CCDC175: variants seen among roughly 807,000 people sequenced by gnomAD.
The protein encoded by CCDC175 is coiled-coil domain-containing protein 175.
Under a neutral mutation model 114.6 loss-of-function variants are expected in CCDC175, and 100 were observed. The observed-to-expected ratio is 0.87, with a 90% CI of 0.74 to 1.03. The LOEUF (loss-of-function observed/expected upper bound fraction) is 1.03. CCDC175 is among the 50% of genes least tolerant of loss of function. CCDC175 has a pLI of 0.00. For missense variants in CCDC175, 880 were observed against 917.8 expected (o/e 0.96, Z 0.53); for synonymous variants, 306 against 308.7 (o/e 0.99, Z 0.09).
intron 16 of CCDC175, among the ~76,000 whole-genome samples, chr14:59,524,436 T>A (rs573014989): frequency 6.6e-6 from 1 of 152,260 alleles, no homozygotes; most frequent in South Asian, 2.1e-4. Context: ...GGCAAAAGAC[T>A]TGAACAGTCA....
In CCDC175 at chr14:59,531,911, C is replaced by A. The variant is rs1194549456; in HGVS notation, c.1624-1G>T. ...TTTGTGTTTCCTTAACAAATATTTC[C>A]TTTAAAGAAAATAAAATCAATTGAG... On this transcript the variant is annotated splice_acceptor_variant, in intron 13 of 19. Coordinates refer to ENST00000537690, the MANE Select transcript of CCDC175 (RefSeq NM_001164399.2). LOFTEE classifies it high-confidence loss of function. 2.7e-6 allele frequency: 3 copies of A among 1,129,386 alleles called. No homozygotes were observed. The highest frequency in any genetic ancestry group is 1.5e-5 in the South Asian group (1 of 68,840). The allele number at this position is 1,129,386 out of a possible 1,614,324, so 70.0% of individuals were successfully genotyped here.
intron 9 of CCDC175, among the ~76,000 whole-genome samples, chr14:59,544,426 G>C (rs1894979087): frequency 6.6e-6 from 1 of 152,040 alleles, no homozygotes; most frequent in Non-Finnish European, 1.5e-5. Context: ...GAAGTTTATA[G>C]TCTTGTTCAA....
Position 59,561,163 on chromosome 14 carries a change from C to G in CCDC175, c.909G>C (p.Glu303Asp). ...LHESIRYWEQ[E>D]VSELKKDLAI... ...CAAGGTCTTTCTTTAGCTCACTGAC[C>G]TCTTGTTCCCAATACCTTATTGATT... is the stretch of plus-strand genomic sequence containing the variant. The change falls in exon 7 of 20, where the codon GAG becomes GAC. Residue 303 changes from glutamate (E) to aspartate (D), a missense_variant. Coordinates refer to ENST00000537690, the MANE Select transcript of CCDC175 (RefSeq NM_001164399.2). 1 of 1,535,570 alleles carries G rather than the reference C, an allele frequency of 6.5e-7. No homozygotes were observed.
At chr14:59,549,905 C>T (rs1039160586) in intron 8 of CCDC175, among the ~76,000 whole-genome samples, 2 of 151,582 alleles carry the variant, frequency 1.3e-5, no homozygotes, top group African/African-American at 4.9e-5. Flanking sequence ...GGGATCATAT[C>T]ATACATACTG....
intron 10 of CCDC175, among the ~76,000 whole-genome samples, chr14:59,542,674 CTT>C (rs969714992): frequency 1.1e-4 from 17 of 152,016 alleles, no homozygotes; most frequent in African/African-American, 3.4e-4. Context: ...TATATATTCT[CTT>C]TGTTTTGAAA....
At position 59,519,280 on chromosome 14, in the gene CCDC175, A is replaced by G. The variant is rs190957152; in HGVS notation, c.2098+2294T>C. 2.0e-3 allele frequency among the ~76,000 whole-genome samples: 299 copies of G among 152,312 alleles called. 1 individual carries two copies. Among genetic ancestry groups the G allele is most frequent in the Non-Finnish European group, 2.9e-3 (198 of 68,026 alleles). ...ATGTATACATATGTAACTAACCTGC[A>G]CATTGTGCACATGTACCGTAAAACT... On this transcript the variant is annotated intron_variant, in intron 17 of 19. Transcript: ENST00000537690.
At chr14:59,515,481 A>T (rs186914214) in intron 17 of CCDC175, among the ~76,000 whole-genome samples, 1 of 152,152 alleles carries the variant, frequency 6.6e-6, no homozygotes, top group Admixed American at 6.5e-5. Flanking sequence ...GATCTACCAA[A>T]CAAATGGAAA....
At chr14:59,529,234 C>T (rs999340428) in intron 14 of CCDC175, among the ~76,000 whole-genome samples, 1 of 152,160 alleles carries the variant, frequency 6.6e-6, no homozygotes, top group Non-Finnish European at 1.5e-5. Context: ...GTTCACAACA[C>T]CACTGGCTGG....
At chr14:59,556,746 A>T (rs2140092144) in intron 7 of CCDC175, among the ~76,000 whole-genome samples, 1 of 152,360 alleles carries the variant, frequency 6.6e-6, no homozygotes, top group Non-Finnish European at 1.5e-5. Flanking sequence ...CAGAATCTAC[A>T]AAGAACTCAA....
chr14:59,543,734 T>C (rs1014314442), intron 9 of CCDC175, among the ~76,000 whole-genome samples: 31 of 152,204 alleles, frequency 2.0e-4, no homozygotes, highest in African/African-American at 7.2e-4. Flanking sequence ...TCTTATGCGA[T>C]TGGTCCATGT....
Position 59,565,207 on chromosome 14 carries a change from T to C in CCDC175, c.560A>G (p.Lys187Arg), listed in dbSNP as rs565603465. Residue 187 changes from lysine (K) to arginine (R), a missense_variant, in exon 5 of 20, where the codon AAA becomes AGA. By Grantham distance (26) the Lys-to-Arg change is conservative. Coordinates refer to ENST00000537690, the MANE Select transcript of CCDC175 (RefSeq NM_001164399.2). ...TATGTAAACAGTGGTGGTGGCTTTT[T>C]TCTCCATAGTTTGGTTGAGTGACAG... ...FVLSLNQTME[K>R]KATTTVYINE... 4 of 1,537,896 alleles carry C rather than the reference T, an allele frequency of 2.6e-6. No individual in the cohort carries two copies. The African/African-American group carries it at 5.5e-5, about 21-fold the overall frequency.
At chr14:59,532,333 G>A (rs1894118493) in intron 13 of CCDC175, among the ~76,000 whole-genome samples, 1 of 152,198 alleles carries the variant, frequency 6.6e-6, no homozygotes. Context: ...TGGATATAAT[G>A]TTAAAATAAA....
chr14:59,531,942 T>C, intron 13 of CCDC175, 32 bp from the exon 14 acceptor site: 2 of 979,346 alleles, frequency 2.0e-6, no homozygotes, highest in East Asian at 5.3e-5. Context: ...TTGAGAAATA[T>C]AATTTTGGAT....
chr14:59,517,833 A>G (rs575068993), intron 17 of CCDC175, among the ~76,000 whole-genome samples: 1 of 152,288 alleles, frequency 6.6e-6, no homozygotes, highest in Non-Finnish European at 1.5e-5. Context: ...TAAAGTTCAT[A>G]TGGAACCAAA....
chr14:59,549,191 A>C (rs73305666), intron 8 of CCDC175, among the ~76,000 whole-genome samples: 2,477 of 152,338 alleles, frequency 0.016, 64 homozygotes, highest in African/African-American at 0.056. Flanking sequence ...GACAGAGAGT[A>C]CCTGACCCAA....
intron 17 of CCDC175, among the ~76,000 whole-genome samples, chr14:59,516,729 C>T (rs921172739): frequency 2.0e-5 from 3 of 152,178 alleles, no homozygotes; most frequent in African/African-American, 7.2e-5. Flanking sequence ...CAGCCGAATT[C>T]TACCAGAGGT....
chr14:59,517,531 C>A lies in CCDC175; in HGVS notation c.2098+4043G>T, dbSNP rs1489831773. ...AGCATTCTTATACACCAATAACAGACAAACAGAGAGCCAAATCGTGAGTGA... is the reference window on the plus strand; with the variant it reads ...AGCATTCTTATACACCAATAACAGAAAAACAGAGAGCCAAATCGTGAGTGA... On this transcript the variant is annotated intron_variant, in intron 17 of 19. Coordinates refer to ENST00000537690, the MANE Select transcript of CCDC175 (RefSeq NM_001164399.2). 3.9e-5 allele frequency among the ~76,000 whole-genome samples: 6 copies of A among 152,140 alleles called. No individual in the cohort carries two copies. The East Asian group carries it at 7.7e-4, about 19-fold the overall frequency.
chr14:59,511,837 T>A, intron 17 of CCDC175, 34 bp from the exon 18 acceptor site: 2 of 1,367,134 alleles, frequency 1.5e-6, no homozygotes, highest in Non-Finnish European at 2.0e-6. Context: ...CAATGGTTAC[T>A]GACACAATCT....
At chr14:59,546,542 G>A (rs1330499030) in intron 8 of CCDC175, among the ~76,000 whole-genome samples, 1 of 152,178 alleles carries the variant, frequency 6.6e-6, no homozygotes, top group Non-Finnish European at 1.5e-5. Context: ...GAGCGGTAAG[G>A]CTAGCACTTA....
Sources: gnomAD v4.1 joint callset for allele counts (sites outside exome capture counted in the v4.1 genomes callset) on GRCh38, gnomAD v4.1.1 for gene constraint, MANE v1.5 for transcripts, NCBI Gene and HGNC (gene_info 2026-07-23, HGNC 2026-07-21) for gene names.